CMC1: variants seen among roughly 807,000 people sequenced by gnomAD.
CMC1 encodes the protein C-X9-C motif containing 1, also known as COX assembly mitochondrial protein homolog.
CMC1 carries 14 observed loss-of-function variants against 14.1 expected under a neutral mutation model. That is an observed-to-expected ratio of 0.99 (90% CI 0.66 to 1.55). The LOEUF (loss-of-function observed/expected upper bound fraction) is 1.55. Among genes scored for constraint, CMC1 ranks in the 40% most tolerant of loss-of-function variants. The pLI is 0.00. For missense variants in CMC1, 127 were observed against 123.8 expected, an observed-to-expected ratio of 1.03 and a Z score of -0.12; for synonymous variants, 50 against 38.4, an observed-to-expected ratio of 1.30 and a Z score of -1.12.
In CMC1 at chr3:28,305,779, A is replaced by ATTTTTTTT. The variant is rs71087685; in HGVS notation, c.110-10530_110-10523dup. Among the ~76,000 whole-genome samples, 25 of 43,568 alleles carry ATTTTTTTT rather than the reference A, an allele frequency of 5.7e-4. 1 individual carries two copies. Among genetic ancestry groups the ATTTTTTTT allele is most frequent in the African/African-American group, 2.4e-3 (22 of 8,992 alleles). 28.6% of individuals were successfully genotyped at this position (43,568 alleles called of 152,430 possible). A position where few individuals can be genotyped will look rare whatever the true frequency, so the allele number is the denominator to read the frequency against. On this transcript the variant is annotated intron_variant, in intron 2 of 3. Transcript: ENST00000466830. ...GTGTCCAGAAGAGTTTTTCATAGGA[A>ATTTTTTTT]TTTTTTTTTTTTTTTTTTTTTTTTT...
At chr3:28,266,285 A>T (rs1458492933) in intron 2 of CMC1, among the ~76,000 whole-genome samples, 1 of 152,118 alleles carries the variant, frequency 6.6e-6, no homozygotes. Context: ...CTAAAATTTA[A>T]TTTTAATCTG....
chr3:28,266,613 G>A (rs1487331130), intron 2 of CMC1, among the ~76,000 whole-genome samples: 1 of 151,958 alleles, frequency 6.6e-6, no homozygotes, highest in Non-Finnish European at 1.5e-5. Flanking sequence ...AAAGTGCTGG[G>A]ATTGCAGGCG....
rs117134046 is a variant in CMC1 at position 28,323,774 on chromosome 3, A to C, written c.*4145A>C. ...AAATTTTACAATTAATATAGAAGGC[A>C]GAGTTTTTTAAACACCTTAAGTTTA... is the stretch of plus-strand genomic sequence containing the variant. On this transcript the variant is annotated 3_prime_UTR_variant, in exon 4 of 4. Coordinates refer to ENST00000466830, the MANE Select transcript of CMC1 (RefSeq NM_182523.2). 1.1e-4 allele frequency: 29 copies of C among 264,344 alleles called. No individual in the cohort carries two copies. The East Asian group carries it at 2.0e-3, about 18-fold the overall frequency. 16.4% of individuals were successfully genotyped at this position (264,344 alleles called of 1,614,324 possible). A position where few individuals can be genotyped will look rare whatever the true frequency, so the allele number is the denominator to read the frequency against.
intron 2 of CMC1, among the ~76,000 whole-genome samples, chr3:28,279,388 T>C (rs1324853299): frequency 6.6e-6 from 1 of 152,192 alleles, no homozygotes; most frequent in East Asian, 1.9e-4. Context: ...ACCCAAACTT[T>C]CTACTCGTAT....
rs1703238054 is a variant in CMC1, at chr3:28,323,049, T to C, written c.*3420T>C. On this transcript the variant is annotated 3_prime_UTR_variant, in exon 4 of 4. Coordinates refer to ENST00000466830, the MANE Select transcript of CMC1 (RefSeq NM_182523.2). ...TGTGGACATTTCATGATCGACAATATCAATACAGCCCAAACCCTGATTTCT... is the reference window on the plus strand; with the variant it reads ...TGTGGACATTTCATGATCGACAATACCAATACAGCCCAAACCCTGATTTCT... 1 of 151,068 alleles carries C rather than the reference T, an allele frequency of 6.6e-6. No individual in the cohort carries two copies. Among genetic ancestry groups the C allele is most frequent in the South Asian group, 2.1e-4 (1 of 4,820 alleles). 9.4% of individuals were successfully genotyped at this position (151,068 alleles called of 1,614,324 possible).
chr3:28,291,444 G>A (rs1228471592), intron 2 of CMC1, among the ~76,000 whole-genome samples: 1 of 152,004 alleles, frequency 6.6e-6, no homozygotes, highest in African/African-American at 2.4e-5. Flanking sequence ...CTGTGTCTAT[G>A]CTATTTCTTT....
rs374934599 is a variant in CMC1, at chr3:28,324,305, C to G, written c.*4676C>G. ...GCTTTCTCTGATAAAACCTTTACAT[C>G]TCCTGGTAAAGGGGAAGATGTGGTA... On this transcript the variant is annotated 3_prime_UTR_variant, in exon 4 of 4. Coordinates refer to ENST00000466830, the MANE Select transcript of CMC1 (RefSeq NM_182523.2). 1.2e-6 allele frequency: 2 copies of G among 1,607,208 alleles called. No individual in the cohort carries two copies. The highest frequency in any genetic ancestry group is 1.7e-6 in the Non-Finnish European group (2 of 1,175,534).
chr3:28,284,547 A>G lies in CMC1; in HGVS notation c.109+21167A>G, dbSNP rs148384467. ...TCCCAAAGCTTTCAAGGTGATTTGA[A>G]TGTGCATCCAAGGTTGAGAAATAAT... On this transcript the variant is annotated intron_variant, in intron 2 of 3. Transcript: ENST00000466830. Among the ~76,000 whole-genome samples, 866 of 152,338 alleles carry G rather than the reference A, an allele frequency of 5.7e-3. 5 individuals carry two copies. The highest frequency in any genetic ancestry group is 8.8e-3 in the Non-Finnish European group (602 of 68,028).
At chr3:28,300,968 C>T (rs868517735) in intron 2 of CMC1, among the ~76,000 whole-genome samples, 1 of 142,770 alleles carries the variant, frequency 7.0e-6, no homozygotes, top group Non-Finnish European at 1.5e-5. Flanking sequence ...TGATAACGTT[C>T]TGTACCTTGC....
At chr3:28,263,432 C>A in intron 2 of CMC1, 52 bp downstream of exon 2, 2 of 1,203,766 alleles carry the variant, frequency 1.7e-6, no homozygotes, top group Non-Finnish European at 2.4e-6. Context: ...ATAATATGAT[C>A]TGAATTTAAT....
intron 1 of CMC1, among the ~76,000 whole-genome samples, chr3:28,243,706 T>A (rs1698656163): frequency 6.6e-6 from 1 of 152,224 alleles, no homozygotes; most frequent in South Asian, 2.1e-4. Context: ...TGTCCCATAT[T>A]GTTCTGGACC....
intron 1 of CMC1, among the ~76,000 whole-genome samples, chr3:28,248,009 A>G (rs1456044878): frequency 6.6e-6 from 1 of 152,140 alleles, no homozygotes; most frequent in African/African-American, 2.4e-5. Flanking sequence ...CACCACCTCC[A>G]GTTAAACATT....
intron 1 of CMC1, 147 bp from the exon 2 acceptor site, chr3:28,263,144 A>C: frequency 1.7e-6 from 1 of 604,944 alleles, no homozygotes; most frequent in South Asian, 2.1e-5. Flanking sequence ...ATGAGTTTTA[A>C]TGACTAAAAT....
At chr3:28,285,004 T>C (rs150896287) in intron 2 of CMC1, among the ~76,000 whole-genome samples, 293 of 152,332 alleles carry the variant, frequency 1.9e-3, no homozygotes, top group African/African-American at 6.6e-3. Flanking sequence ...CTACTCTGTG[T>C]TCCATCAGTG....
intron 2 of CMC1, among the ~76,000 whole-genome samples, chr3:28,300,595 C>T (rs1021095050): frequency 1.1e-5 from 1 of 93,988 alleles, no homozygotes; most frequent in African/African-American, 3.0e-5. Flanking sequence ...TTCTATCTCT[C>T]TTCCTTCCTT....
chr3:28,286,092 G>T (rs760011559), intron 2 of CMC1, among the ~76,000 whole-genome samples: 1 of 151,846 alleles, frequency 6.6e-6, no homozygotes. Flanking sequence ...ACCTTTTTTG[G>T]TACATACATT....
chr3:28,249,143 G>A (rs994922387), intron 1 of CMC1, among the ~76,000 whole-genome samples: 1 of 152,190 alleles, frequency 6.6e-6, no homozygotes, highest in Non-Finnish European at 1.5e-5. Flanking sequence ...TAAGAATGTG[G>A]TGTTTACCAT....
intron 2 of CMC1, among the ~76,000 whole-genome samples, chr3:28,308,898 G>T (rs1398021252): frequency 6.6e-6 from 1 of 151,822 alleles, no homozygotes; most frequent in Non-Finnish European, 1.5e-5. Flanking sequence ...CAGGAGAATC[G>T]CTTGAACCTG....
chr3:28,319,600 A>G lies in CMC1; in HGVS notation c.292A>G (p.Arg98Gly). The G allele has an allele frequency of 6.2e-7, 1 of 1,607,790 alleles. No homozygotes were observed. Among genetic ancestry groups the G allele is most frequent in the South Asian group, 1.1e-5 (1 of 90,156 alleles). Reference protein sequence around the residue: ...FRKTGIPTKKRLQKLPTSM With the variant: ...FRKTGIPTKKGLQKLPTSM Reference sequence around the variant, plus strand: ...AAAAACTGGAATTCCTACAAAGAAAAGGCTACAGAAGCTTCCAACAAGCAT... The same window carrying G: ...AAAAACTGGAATTCCTACAAAGAAAGGGCTACAGAAGCTTCCAACAAGCAT... The change falls in exon 4 of 4, where the codon AGG becomes GGG. Residue 98 changes from arginine (R) to glycine (G), a missense_variant. Physicochemically the swap from Arg to Gly is moderately radical, Grantham distance 125 (BLOSUM62 -2). Transcript: ENST00000466830.
Sources: allele counts gnomAD v4.1 joint callset (sites outside exome capture counted in the v4.1 genomes callset), GRCh38; gene constraint gnomAD v4.1.1; transcripts MANE v1.5; gene names NCBI Gene and HGNC (gene_info 2026-07-23, HGNC 2026-07-21).